RASGRP1: variants seen among roughly 807,000 people sequenced by gnomAD.
RASGRP1 encodes the protein RAS guanyl releasing protein 1, also known as RAS guanyl-releasing protein 1.
RASGRP1 carries 37 observed loss-of-function variants against 95.1 expected under a neutral mutation model. That is an observed-to-expected ratio of 0.39 (90% CI 0.30 to 0.51). The LOEUF is 0.51. Among genes scored for constraint, RASGRP1 ranks in the 20% least tolerant of loss-of-function variants. The probability of loss-of-function intolerance (pLI) is 0.80; values close to 1 mark genes in which losing one functional copy is unlikely to be tolerated. For synonymous variants in RASGRP1, 325 were observed against 353.4 expected (o/e 0.92, Z 0.90); for missense variants, 711 against 965.4 (o/e 0.74, Z 3.49).
Position 38,519,418 on chromosome 15 carries a change from A to G in RASGRP1, c.327-47T>C, listed in dbSNP as rs773733440. ...ATGGAGACCTCTGTTACAGAAACCA[A>G]ACGACTTTTCATCTTTGGAAGTATT... On this transcript the variant is annotated intron_variant, in intron 3 of 16. Coordinates refer to ENST00000310803, the MANE Select transcript of RASGRP1 (RefSeq NM_005739.4). 4 of 1,353,080 alleles carry G rather than the reference A, an allele frequency of 3.0e-6. No individual in the cohort carries two copies. The South Asian group carries it at 5.0e-5, about 17-fold the overall frequency. The allele number at this position is 1,353,080 out of a possible 1,614,324, so 83.8% of individuals were successfully genotyped here.
intron 1 of RASGRP1, among the ~76,000 whole-genome samples, chr15:38,561,515 G>C (rs1350911432): frequency 6.6e-6 from 1 of 152,220 alleles, no homozygotes; most frequent in Non-Finnish European, 1.5e-5. Context: ...AACCAAAGGG[G>C]CTGAAGAAGT....
At chr15:38,534,636 C>T (rs1313959299) in intron 2 of RASGRP1, 2 of 152,264 alleles carry the variant, frequency 1.3e-5, no homozygotes, top group Admixed American at 6.5e-5. Context: ...AGGCTCATCT[C>T]TTCTCTCCCA....
intron 8 of RASGRP1, among the ~76,000 whole-genome samples, chr15:38,509,583 C>T (rs959368354): frequency 1.3e-5 from 2 of 152,004 alleles, no homozygotes; most frequent in East Asian, 1.9e-4. Flanking sequence ...AAAATTAACC[C>T]GGCGTGGTGG....
At chr15:38,506,496 G>A (rs62003598) in intron 9 of RASGRP1, among the ~76,000 whole-genome samples, 1,832 of 152,134 alleles carry the variant, frequency 0.012, 22 homozygotes, top group Non-Finnish European at 0.019. Flanking sequence ...TTAACCGGGC[G>A]TGGTGGCGTG....
In RASGRP1 at chr15:38,526,280, T is replaced by G. The variant is rs557697270; in HGVS notation, c.326+19A>C. ...GTGGATCCCATTTTGGGATTGCCAG[T>G]CACTATGTTAAAGGATATAGGGTGA... On this transcript the variant is annotated intron_variant, in intron 3 of 16. Transcript: ENST00000310803. The G allele has an allele frequency of 6.3e-7, 1 of 1,588,340 alleles. No individual in the cohort carries two copies. Among genetic ancestry groups the G allele is most frequent in the South Asian group, 1.1e-5 (1 of 90,220 alleles).
intron 6 of RASGRP1, 52 bp from the exon 7 acceptor site, chr15:38,513,008 T>G (rs1891603047): frequency 7.1e-7 from 1 of 1,408,282 alleles, no homozygotes. Context: ...TACTGTACTC[T>G]GGTATTCCAG....
chr15:38,505,812 A>G (rs758733997), intron 10 of RASGRP1, 28 bp downstream of exon 10: 2 of 1,527,622 alleles, frequency 1.3e-6, no homozygotes, highest in African/African-American at 1.4e-5. Context: ...CACCTGTTAC[A>G]TGTGGAGTCT....
chr15:38,531,242 G>A (rs969081865), intron 2 of RASGRP1, among the ~76,000 whole-genome samples: 7 of 152,232 alleles, frequency 4.6e-5, no homozygotes, highest in South Asian at 2.1e-4. Flanking sequence ...GGGACAATGG[G>A]TGGAGGAGCT....
chr15:38,523,203 G>T (rs1218125430), intron 3 of RASGRP1, among the ~76,000 whole-genome samples: 1 of 152,186 alleles, frequency 6.6e-6, no homozygotes, highest in African/African-American at 2.4e-5. Flanking sequence ...GTCATGTGCT[G>T]CATAACATTT....
chr15:38,547,459 G>A (rs955596020), intron 2 of RASGRP1, among the ~76,000 whole-genome samples: 26 of 152,120 alleles, frequency 1.7e-4, no homozygotes, highest in African/African-American at 6.3e-4. Context: ...GGTCTGAAAA[G>A]AGCCTTCCAC....
chr15:38,541,763 T>A (rs1892872546), intron 2 of RASGRP1, among the ~76,000 whole-genome samples: 1 of 152,196 alleles, frequency 6.6e-6, no homozygotes, highest in Non-Finnish European at 1.5e-5. Context: ...TGATAGGTAC[T>A]GTGGGATTGC....
At chr15:38,494,225 C>T in intron 16 of RASGRP1, 157 bp downstream of exon 16, 1 of 960,426 alleles carries the variant, frequency 1.0e-6, no homozygotes. Context: ...CCCTCTCTTC[C>T]TCCCTGTTTC....
At chr15:38,525,418 G>C (rs1892178587) in intron 3 of RASGRP1, among the ~76,000 whole-genome samples, 1 of 152,174 alleles carries the variant, frequency 6.6e-6, no homozygotes, top group Non-Finnish European at 1.5e-5. Flanking sequence ...CTCTGCAGAA[G>C]AGGCACCCAC....
At chr15:38,497,373 C>T (rs1370184268) in intron 15 of RASGRP1, among the ~76,000 whole-genome samples, 2 of 150,700 alleles carry the variant, frequency 1.3e-5, no homozygotes, top group African/African-American at 4.9e-5. Context: ...TCATCTCTTA[C>T]CTAAATCGCC....
chr15:38,543,306 T>C (rs1892976015), intron 2 of RASGRP1, among the ~76,000 whole-genome samples: 1 of 152,190 alleles, frequency 6.6e-6, no homozygotes, highest in Non-Finnish European at 1.5e-5. Context: ...CCTTTCTTCG[T>C]TAACCTGCCC....
chr15:38,497,899 T>C (rs377498724), intron 15 of RASGRP1, among the ~76,000 whole-genome samples: 11 of 152,360 alleles, frequency 7.2e-5, no homozygotes, highest in Admixed American at 1.3e-4. Flanking sequence ...ATCTGCAAGC[T>C]CCACTTGAGT....
chr15:38,490,893 T>C (rs1380417232), intron 16 of RASGRP1, among the ~76,000 whole-genome samples: 1 of 152,188 alleles, frequency 6.6e-6, no homozygotes, highest in East Asian at 1.9e-4. Flanking sequence ...TAGTCTTTGT[T>C]ATCATATCAA....
chr15:38,540,333 T>TG (rs1213184884), intron 2 of RASGRP1, among the ~76,000 whole-genome samples: 2 of 152,212 alleles, frequency 1.3e-5, no homozygotes, highest in African/African-American at 4.8e-5. Context: ...CACACTACAC[T>TG]GGGGCCATTT....
intron 16 of RASGRP1, among the ~76,000 whole-genome samples, chr15:38,491,086 GT>G (rs1403299461): frequency 1.3e-5 from 2 of 152,118 alleles, no homozygotes; most frequent in African/African-American, 4.8e-5. Context: ...TTTTATCTAA[GT>G]TTCCCCCCCA....
Sources: gnomAD v4.1 joint callset for allele counts (sites outside exome capture counted in the v4.1 genomes callset) on GRCh38, gnomAD v4.1.1 for gene constraint, MANE v1.5 for transcripts, NCBI Gene and HGNC (gene_info 2026-07-23, HGNC 2026-07-21) for gene names.